CSMD1: variants seen among roughly 807,000 people sequenced by gnomAD.
CSMD1 encodes the protein CUB and sushi domain-containing protein 1.
In CSMD1, 213 loss-of-function variants were observed where a neutral mutation model predicts 417.5. That is an observed-to-expected ratio of 0.51 (90% CI 0.46 to 0.57). The LOEUF (loss-of-function observed/expected upper bound fraction) is 0.57, where lower values mean the gene tolerates loss of function less well. Among genes scored for constraint, CSMD1 ranks in the 20% least tolerant of loss-of-function variants. The pLI, the probability that CSMD1 is intolerant of heterozygous loss-of-function variation, is 0.00. For missense variants in CSMD1, 6,923 were observed against 4,529.7 expected, an observed-to-expected ratio of 1.53 and a Z score of -15.17; for synonymous variants, 2,862 against 1,736.8, an observed-to-expected ratio of 1.65 and a Z score of -16.11.
intron 3 of CSMD1, among the ~76,000 whole-genome samples, chr8:4,390,390 A>G (rs540098685): frequency 1.3e-5 from 2 of 152,206 alleles, no homozygotes; most frequent in African/African-American, 2.4e-5. Flanking sequence ...AATGTTGTCA[A>G]TGTAACAGGA....
intron 26 of CSMD1, among the ~76,000 whole-genome samples, chr8:3,238,395 G>A (rs755700784): frequency 3.9e-5 from 6 of 152,158 alleles, no homozygotes; most frequent in African/African-American, 4.8e-5. Context: ...TTTGGGTTCA[G>A]AGGCCTGAAA....
chr8:3,340,498 T>C (rs1807576936), intron 23 of CSMD1, among the ~76,000 whole-genome samples: 1 of 152,212 alleles, frequency 6.6e-6, no homozygotes, highest in African/African-American at 2.4e-5. Flanking sequence ...TTTCCTTAAG[T>C]AGTGCAATTA....
At chr8:4,036,195 G>A (rs567013378) in intron 3 of CSMD1, among the ~76,000 whole-genome samples, 3 of 152,268 alleles carry the variant, frequency 2.0e-5, no homozygotes, top group South Asian at 2.1e-4. Context: ...TTTGCACAGG[G>A]ACAAAATCAC....
At chr8:2,954,988 G>T (rs1802899638) in intron 64 of CSMD1, among the ~76,000 whole-genome samples, 1 of 152,050 alleles carries the variant, frequency 6.6e-6, no homozygotes, top group Non-Finnish European at 1.5e-5. Context: ...TACAAACAGG[G>T]GAGAACCTGT....
intron 3 of CSMD1, among the ~76,000 whole-genome samples, chr8:4,230,428 G>A (rs1801650170): frequency 6.6e-6 from 1 of 152,114 alleles, no homozygotes; most frequent in East Asian, 1.9e-4. Flanking sequence ...GGTCTAACCT[G>A]TGACTTAACA....
rs943502294 is a variant in CSMD1 at position 4,894,538 on chromosome 8, G to C, written c.85+99794C>G. Among the ~76,000 whole-genome samples, 17 of 134,308 alleles carry C rather than the reference G, an allele frequency of 1.3e-4. 1 individual carries two copies. Among genetic ancestry groups the C allele is most frequent in the African/African-American group, 4.0e-4 (14 of 34,674 alleles). 88.1% of individuals were successfully genotyped at this position (134,308 alleles called of 152,430 possible). A position where few individuals can be genotyped will look rare whatever the true frequency, so the allele number is the denominator to read the frequency against. The stretch of plus-strand genomic sequence containing the variant: ...ATCGCATTCCAGCCTGGGGACAACA[G>C]CGAGAACTCATCTCAAAAAAGAAAA... On this transcript the variant is annotated intron_variant, in intron 1 of 69. Coordinates refer to ENST00000635120, the MANE Select transcript of CSMD1 (RefSeq NM_033225.6).
At chr8:4,763,600 C>A (rs993544318) in intron 1 of CSMD1, among the ~76,000 whole-genome samples, 1 of 152,038 alleles carries the variant, frequency 6.6e-6, no homozygotes, top group Non-Finnish European at 1.5e-5. Context: ...ATGACTTATG[C>A]CTCCACTCTT....
intron 1 of CSMD1, among the ~76,000 whole-genome samples, chr8:4,899,596 C>T (rs973682904): frequency 6.6e-6 from 1 of 152,106 alleles, no homozygotes; most frequent in African/African-American, 2.4e-5. Flanking sequence ...ATTTTTTCTT[C>T]TAGAAGTTAC....
At chr8:4,320,285 A>C (rs1241019461) in intron 3 of CSMD1, among the ~76,000 whole-genome samples, 1 of 152,214 alleles carries the variant, frequency 6.6e-6, no homozygotes. Context: ...AAATAAAATG[A>C]ATACAAGAGT....
At chr8:4,053,200 C>T (rs1011377599) in intron 3 of CSMD1, among the ~76,000 whole-genome samples, 6 of 152,122 alleles carry the variant, frequency 3.9e-5, no homozygotes, top group African/African-American at 7.2e-5. Context: ...AAATATAACA[C>T]GTTATTAAAA....
intron 3 of CSMD1, among the ~76,000 whole-genome samples, chr8:4,157,180 C>A (rs1008321360): frequency 1.3e-5 from 2 of 152,062 alleles, no homozygotes; most frequent in Non-Finnish European, 2.9e-5. Context: ...GATTTTGGGA[C>A]AAGTGACGAT....
At chr8:2,961,040 C>T in intron 62 of CSMD1, 101 bp downstream of exon 62, 1 of 588,954 alleles carries the variant, frequency 1.7e-6, no homozygotes, top group Non-Finnish European at 2.6e-6. Flanking sequence ...GTAAATATAA[C>T]ATGAATAAGG....
At chr8:4,122,059 A>G (rs1263554223) in intron 3 of CSMD1, among the ~76,000 whole-genome samples, 2 of 152,044 alleles carry the variant, frequency 1.3e-5, no homozygotes, top group East Asian at 3.8e-4. Context: ...TTCCTTTTAA[A>G]ATAAATTTAT....
intron 4 of CSMD1, among the ~76,000 whole-genome samples, chr8:4,017,108 G>C (rs1433656698): frequency 2.0e-5 from 3 of 152,168 alleles, no homozygotes; most frequent in East Asian, 1.9e-4. Flanking sequence ...TGTTCAGCCA[G>C]CCTTGCTGGA....
chr8:2,966,554 A>G lies in CSMD1; in HGVS notation c.9100+16T>C. 6.2e-7 allele frequency: 1 copy of G among 1,608,706 alleles called. No homozygotes were observed. The highest frequency in any genetic ancestry group is 8.5e-7 in the Non-Finnish European group (1 of 1,175,856). On this transcript the variant is annotated intron_variant, in intron 58 of 69. Transcript: ENST00000635120. ...CATAGTAACGTCTGAGTCTACCATGATGTCTGCTTACTAACTTGTGCAGTC... is the reference window on the plus strand; with the variant it reads ...CATAGTAACGTCTGAGTCTACCATGGTGTCTGCTTACTAACTTGTGCAGTC...
chr8:3,167,293 A>AAAG (rs1488273457), intron 37 of CSMD1, among the ~76,000 whole-genome samples: 40 of 118,766 alleles, frequency 3.4e-4, no homozygotes, highest in African/African-American at 1.3e-3. Context: ...TGGAAAAAGA[A>AAAG]AAAAAAAAAA....
intron 40 of CSMD1, among the ~76,000 whole-genome samples, chr8:3,151,078 T>C (rs751856316): frequency 5.3e-5 from 8 of 152,174 alleles, no homozygotes; most frequent in Non-Finnish European, 8.8e-5. Context: ...CTTCCAGAGA[T>C]AGATTAGAAA....
intron 54 of CSMD1, among the ~76,000 whole-genome samples, chr8:2,986,128 A>G (rs1290935562): frequency 6.6e-6 from 1 of 152,164 alleles, no homozygotes; most frequent in Non-Finnish European, 1.5e-5. Context: ...AGGTGTGATA[A>G]AAGAAATACG....
intron 5 of CSMD1, among the ~76,000 whole-genome samples, chr8:3,824,067 G>T (rs1801903371): frequency 6.6e-6 from 1 of 152,060 alleles, no homozygotes; most frequent in Non-Finnish European, 1.5e-5. Context: ...TCATCCTGGT[G>T]ATTTGTAGAA....
Sources: allele counts gnomAD v4.1 joint callset (sites outside exome capture counted in the v4.1 genomes callset), GRCh38; gene constraint gnomAD v4.1.1; transcripts MANE v1.5; gene names NCBI Gene and HGNC (gene_info 2026-07-23, HGNC 2026-07-21).